Variants in CHST9 observed in about 807,000 individuals in gnomAD.
CHST9 encodes the protein carbohydrate sulfotransferase 9.
In CHST9, 41 loss-of-function variants were observed where a neutral mutation model predicts 44.4. The ratio of observed to expected loss-of-function variants is 0.92; its 90% CI spans 0.72 to 1.20. The LOEUF (loss-of-function observed/expected upper bound fraction) is 1.20. Ranked by LOEUF, CHST9 falls within the 50% of genes most tolerant of loss-of-function variation. The probability of loss-of-function intolerance (pLI) is 0.00; values close to 1 mark genes in which losing one functional copy is unlikely to be tolerated. For missense variants in CHST9, 504 were observed against 516.5 expected, an observed-to-expected ratio of 0.98 and a Z score of 0.23; for synonymous variants, 171 against 178.4, an observed-to-expected ratio of 0.96 and a Z score of 0.33.
intron 4 of CHST9, among the ~76,000 whole-genome samples, chr18:26,969,838 A>G (rs1191094448): frequency 1.3e-5 from 2 of 151,922 alleles, no homozygotes; most frequent in African/African-American, 2.4e-5. Flanking sequence ...ATTTCTTTCT[A>G]AATAGTTTGA....
chr18:27,143,297 C>T (rs1414247652), intron 1 of CHST9, among the ~76,000 whole-genome samples: 1 of 152,100 alleles, frequency 6.6e-6, no homozygotes, highest in Non-Finnish European at 1.5e-5. Context: ...GAAAAATCAC[C>T]TCCTGTCTTA....
At chr18:27,097,013 T>C (rs541093294) in intron 2 of CHST9, among the ~76,000 whole-genome samples, 1 of 152,110 alleles carries the variant, frequency 6.6e-6, no homozygotes, top group East Asian at 1.9e-4. Flanking sequence ...AGAACACAGA[T>C]GCAAAAATCC....
chr18:27,151,478 C>G lies in CHST9; in HGVS notation c.-96-8573G>C, dbSNP rs114655064. ...TCTCCCAAAAGGTCCACCCCCTAATCACTGGAAGCTGTGAATATGTGACAT... is the reference window on the plus strand; with the variant it reads ...TCTCCCAAAAGGTCCACCCCCTAATGACTGGAAGCTGTGAATATGTGACAT... On this transcript the variant is annotated intron_variant, in intron 1 of 5. Transcript: ENST00000618847. 5.7e-3 allele frequency among the ~76,000 whole-genome samples: 873 copies of G among 152,246 alleles called. 12 individuals are homozygous for G. Among genetic ancestry groups the G allele is most frequent in the African/African-American group, 0.02 (827 of 41,548 alleles).
chr18:27,174,337 C>G (rs948802698), intron 1 of CHST9, among the ~76,000 whole-genome samples: 1 of 151,772 alleles, frequency 6.6e-6, no homozygotes, highest in Non-Finnish European at 1.5e-5. Flanking sequence ...TTTAGATTTG[C>G]CTGATCGTTT....
intron 1 of CHST9, among the ~76,000 whole-genome samples, chr18:27,146,924 A>C (rs2058616816): frequency 6.6e-6 from 1 of 152,198 alleles, no homozygotes; most frequent in Non-Finnish European, 1.5e-5. Context: ...CTCTTTTCCA[A>C]AAGTTTAAAA....
At chr18:26,940,143 T>C (rs1236101252) in intron 5 of CHST9, among the ~76,000 whole-genome samples, 1 of 152,226 alleles carries the variant, frequency 6.6e-6, no homozygotes, top group Non-Finnish European at 1.5e-5. Flanking sequence ...TTTGCCCAGA[T>C]GACCCAGTTC....
intron 1 of CHST9, among the ~76,000 whole-genome samples, chr18:27,169,283 A>G (rs1263749229): frequency 6.6e-6 from 1 of 152,220 alleles, no homozygotes; most frequent in African/African-American, 2.4e-5. Flanking sequence ...GGCTGAATAC[A>G]TAAATTTAGA....
chr18:27,000,631 T>TATCTATCTATCTAG (rs1568127446), intron 4 of CHST9, among the ~76,000 whole-genome samples: 3 of 115,084 alleles, frequency 2.6e-5, no homozygotes, highest in Admixed American at 1.5e-4. Context: ...TGTCTATCTA[T>TATCTATCTATCTAG]CTATCTATCT....
Position 26,978,246 on chromosome 18 carries a change from T to C in CHST9, c.203-33880A>G, listed in dbSNP as rs1390788754. Among the ~76,000 whole-genome samples, 3 of 150,750 alleles carry C rather than the reference T, an allele frequency of 2.0e-5. No homozygotes were observed. In the East Asian group the frequency reaches 5.9e-4, roughly 29 times the overall value. ...TTTTACTCTTCCCAACTAACCCGTT[T>C]CTTTTCTCTTTTTCTGATGTGTGTG... On this transcript the variant is annotated intron_variant, in intron 4 of 5. Transcript: ENST00000618847.
intron 5 of CHST9, chr18:26,935,997 C>T (rs1347933747): frequency 2.0e-5 from 3 of 152,164 alleles, no homozygotes; most frequent in Non-Finnish European, 2.9e-5. Flanking sequence ...AGAAAACTCT[C>T]CAGGGTGACT....
chr18:27,140,316 A>G (rs2058554392), intron 2 of CHST9, among the ~76,000 whole-genome samples: 1 of 152,176 alleles, frequency 6.6e-6, no homozygotes, highest in African/African-American at 2.4e-5. Context: ...TCACCTAGTA[A>G]GATATGAGGA....
At chr18:26,985,242 C>G (rs2056740468) in intron 4 of CHST9, among the ~76,000 whole-genome samples, 1 of 152,148 alleles carries the variant, frequency 6.6e-6, no homozygotes, top group Non-Finnish European at 1.5e-5. Flanking sequence ...AAGACAGACA[C>G]TATTCAATTT....
At position 27,014,453 on chromosome 18, in the gene CHST9, C is replaced by CAAAAAAAAAAAAAAAA. The variant is rs57437876; in HGVS notation, c.202+9647_202+9662dup. Among the ~76,000 whole-genome samples the CAAAAAAAAAAAAAAAA allele has an allele frequency of 1.8e-4, 7 of 39,438 alleles. 2 individuals carry two copies. The highest frequency in any genetic ancestry group is 3.4e-4 in the African/African-American group (3 of 8,912). The allele number at this position is 39,438 out of a possible 152,430, so 25.9% of individuals were successfully genotyped here. Reference sequence around the variant, plus strand: ...TGGGCGACAGAGCGAGACTCTGTCTCAAAAAAAAAAAAAAAAAAAAAAAAA... The same window carrying CAAAAAAAAAAAAAAAA: ...TGGGCGACAGAGCGAGACTCTGTCTCAAAAAAAAAAAAAAAAAAAAAAAAAAAAAAAAAAAAAAAAA... On this transcript the variant is annotated intron_variant, in intron 4 of 5. Coordinates refer to ENST00000618847, the MANE Select transcript of CHST9 (RefSeq NM_031422.6).
At chr18:27,091,524 G>A (rs1394245701) in intron 2 of CHST9, among the ~76,000 whole-genome samples, 1 of 152,070 alleles carries the variant, frequency 6.6e-6, no homozygotes, top group Non-Finnish European at 1.5e-5. Flanking sequence ...GCCTTGTGCT[G>A]GTTTTCAAAG....
chr18:27,065,552 T>C (rs1279057001), intron 2 of CHST9, among the ~76,000 whole-genome samples: 3 of 150,202 alleles, frequency 2.0e-5, no homozygotes. Context: ...AAAGGTATAA[T>C]GAAGTAAGAG....
At chr18:26,919,540 G>A (rs960125731) in intron 5 of CHST9, among the ~76,000 whole-genome samples, 3 of 152,152 alleles carry the variant, frequency 2.0e-5, no homozygotes, top group Non-Finnish European at 2.9e-5. Flanking sequence ...TACTATTATT[G>A]TTGTTTTAGC....
chr18:27,134,567 C>A (rs538266867), intron 2 of CHST9, among the ~76,000 whole-genome samples: 1 of 152,252 alleles, frequency 6.6e-6, no homozygotes, highest in African/African-American at 2.4e-5. Context: ...CCTCGACCTA[C>A]CAAAAGGTCA....
At chr18:26,955,418 T>A (rs932630574) in intron 4 of CHST9, among the ~76,000 whole-genome samples, 4 of 152,200 alleles carry the variant, frequency 2.6e-5, no homozygotes, top group African/African-American at 9.7e-5. Context: ...TTACCCAAAT[T>A]TCTACCATTT....
intron 2 of CHST9, among the ~76,000 whole-genome samples, chr18:27,109,186 T>C (rs2058248060): frequency 6.6e-6 from 1 of 152,156 alleles, no homozygotes; most frequent in Non-Finnish European, 1.5e-5. Context: ...AAGCAGATGA[T>C]ACTGCAATAT....
Sources: gnomAD v4.1 joint callset for allele counts (sites outside exome capture counted in the v4.1 genomes callset) on GRCh38, gnomAD v4.1.1 for gene constraint, MANE v1.5 for transcripts, NCBI Gene and HGNC (gene_info 2026-07-23, HGNC 2026-07-21) for gene names.